The following TOX2 variants were observed in gnomAD, a reference collection of about 807,000 sequenced individuals.
TOX2 encodes TOX high mobility group box family member 2.
TOX2 carries 15 observed loss-of-function variants against 47.4 expected under a neutral mutation model. The ratio of observed to expected loss-of-function variants is 0.32; its 90% confidence interval spans 0.21 to 0.49. The LOEUF (loss-of-function observed/expected upper bound fraction) is 0.49, where lower values mean the gene tolerates loss of function less well. TOX2 is among the 20% of genes least tolerant of loss of function. The probability of loss-of-function intolerance (pLI) is 0.99; values close to 1 mark genes in which losing one functional copy is unlikely to be tolerated. For synonymous variants in TOX2, 290 were observed against 296.6 expected, an observed-to-expected ratio of 0.98 and a Z score of 0.23; for missense variants, 622 against 673.1, an observed-to-expected ratio of 0.92 and a Z score of 0.84.
At chr20:44,011,715 G>A (rs932841272) in intron 3 of TOX2, among the ~76,000 whole-genome samples, 2 of 152,192 alleles carry the variant, frequency 1.3e-5, no homozygotes, top group East Asian at 1.9e-4. Context: ...TGCACAGATC[G>A]AGATACACTG....
At chr20:43,954,290 C>G (rs565063945) in intron 1 of TOX2, among the ~76,000 whole-genome samples, 1 of 152,332 alleles carries the variant, frequency 6.6e-6, no homozygotes, top group East Asian at 1.9e-4. Context: ...CCTTCTCTCT[C>G]TTCTGGGCTC....
intron 1 of TOX2, among the ~76,000 whole-genome samples, chr20:43,951,707 G>GGTTTTT (rs745489872): frequency 0.012 from 647 of 55,090 alleles, 44 homozygotes; most frequent in African/African-American, 0.03. Flanking sequence ...AACTTATTAT[G>GGTTTTT]TTTTTTTTTT....
intron 2 of TOX2, among the ~76,000 whole-genome samples, chr20:43,989,704 C>T (rs932592200): frequency 6.0e-5 from 9 of 149,978 alleles, no homozygotes; most frequent in African/African-American, 9.8e-5. Context: ...CACTTGAATC[C>T]GGGAGGTGGA....
At chr20:44,008,129 T>G (rs1368569865) in intron 3 of TOX2, among the ~76,000 whole-genome samples, 1 of 152,020 alleles carries the variant, frequency 6.6e-6, no homozygotes, top group East Asian at 1.9e-4. Flanking sequence ...TGCTTGGGAA[T>G]AGCATGTGGT....
chr20:43,933,938 G>A (rs1159043141), intron 1 of TOX2, among the ~76,000 whole-genome samples: 2 of 152,072 alleles, frequency 1.3e-5, no homozygotes, highest in South Asian at 2.1e-4. Context: ...GGCAGGACTC[G>A]GGCTCCGATG....
chr20:43,937,954 T>A (rs2069348960), intron 1 of TOX2, among the ~76,000 whole-genome samples: 1 of 152,080 alleles, frequency 6.6e-6, no homozygotes, highest in South Asian at 2.1e-4. Context: ...TGCCAATGTC[T>A]CCATGAAACC....
At chr20:43,924,357 T>G (rs1036731165) in intron 1 of TOX2, among the ~76,000 whole-genome samples, 1 of 141,984 alleles carries the variant, frequency 7.0e-6, no homozygotes, top group African/African-American at 2.7e-5. Context: ...ATTAATGGAG[T>G]TTTTAGGGGC....
At chr20:43,946,121 G>C in intron 1 of TOX2, 1 of 1,561,894 alleles carries the variant, frequency 6.4e-7, no homozygotes, top group African/African-American at 1.3e-5. Context: ...TGTCTGGATG[G>C]GGGCAGGCAG....
intron 3 of TOX2, among the ~76,000 whole-genome samples, chr20:44,043,542 T>C (rs563342183): frequency 1.4e-4 from 21 of 152,352 alleles, no homozygotes; most frequent in Admixed American, 4.6e-4. Flanking sequence ...TCACTGGTTA[T>C]TGTCTTTGAG....
intron 3 of TOX2, among the ~76,000 whole-genome samples, chr20:44,034,357 G>T (rs56927907): frequency 0.067 from 10,196 of 152,214 alleles, 800 homozygotes; most frequent in African/African-American, 0.19. Flanking sequence ...AAATTGTGGG[G>T]TCATTTCTGC....
At chr20:43,968,724 G>A (rs916618443) in intron 1 of TOX2, among the ~76,000 whole-genome samples, 1 of 152,168 alleles carries the variant, frequency 6.6e-6, no homozygotes, top group African/African-American at 2.4e-5. Context: ...GCTGTAATGA[G>A]GACTGAAGAT....
chr20:44,026,248 T>G lies in TOX2; in HGVS notation c.411+19456T>G, dbSNP rs1041479476. Among the ~76,000 whole-genome samples the G allele has an allele frequency of 3.4e-4, 23 of 67,740 alleles. 4 individuals are homozygous for G. The East Asian group carries it at 8.3e-3, about 25-fold the overall frequency. The allele number at this position is 67,740 out of a possible 152,430, so 44.4% of individuals were successfully genotyped here. ...ACTGTGATATATATATATATATATA[T>G]AGACACACACACACACAATGGAATA... On this transcript the variant is annotated intron_variant, in intron 3 of 8. Coordinates refer to ENST00000341197, the MANE Select transcript of TOX2 (RefSeq NM_001098797.2).
At chr20:44,039,584 G>T (rs1458872557) in intron 3 of TOX2, among the ~76,000 whole-genome samples, 1 of 152,160 alleles carries the variant, frequency 6.6e-6, no homozygotes, top group Admixed American at 6.5e-5. Context: ...TGTCTCAGGG[G>T]TGAACCCAGG....
intron 1 of TOX2, among the ~76,000 whole-genome samples, chr20:43,936,119 C>T (rs114950848): frequency 0.01 from 1,545 of 152,208 alleles, 34 homozygotes; most frequent in African/African-American, 0.035. Context: ...CTTGGCATGG[C>T]GTCTTGTCAT....
intron 3 of TOX2, among the ~76,000 whole-genome samples, chr20:44,050,807 C>T (rs1261505322): frequency 6.6e-6 from 1 of 152,142 alleles, no homozygotes; most frequent in East Asian, 1.9e-4. Flanking sequence ...CTCATATCCA[C>T]ATTTTACAGA....
At position 43,916,321 on chromosome 20, in the gene TOX2, C is replaced by A; in HGVS notation, c.99+1331C>A. On this transcript the variant is annotated intron_variant, in intron 1 of 8. Transcript: ENST00000341197. This position sits in a 1 kb window ranked among gnomAD's most constrained non-coding sequence, Gnocchi z 5.0. ...ATGAGGCAGGAGAGAGGCGTCCCGG[C>A]GCGGATCCCGGGGCCTCCCGGGCTG... is the stretch of plus-strand genomic sequence containing the variant. 1.2e-6 allele frequency: 1 copy of A among 848,848 alleles called. No individual in the cohort carries two copies. Among genetic ancestry groups the A allele is most frequent in the Non-Finnish European group, 1.4e-6 (1 of 705,310 alleles). 52.6% of individuals were successfully genotyped at this position (848,848 alleles called of 1,614,324 possible). A position where few individuals can be genotyped will look rare whatever the true frequency, so the allele number is the denominator to read the frequency against.
chr20:44,045,528 A>G (rs1289562143), intron 3 of TOX2, among the ~76,000 whole-genome samples: 2 of 152,168 alleles, frequency 1.3e-5, no homozygotes, highest in Non-Finnish European at 2.9e-5. Context: ...CTTTATAGTA[A>G]ACATCTTGGA....
At chr20:44,006,496 C>G in intron 2 of TOX2, 51 bp from the exon 3 acceptor site, 2 of 1,561,640 alleles carry the variant, frequency 1.3e-6, no homozygotes, top group Non-Finnish European at 1.7e-6. Context: ...TGGGTATGTT[C>G]TGCGGTTGTA....
rs1332914498 is a variant in TOX2, at chr20:43,949,720, CT to C, written c.100-23644del. ...GCAGGTGTGGTCACGACATCCACGG[CT>C]TTCCAGAAGCCTTCTCTGATTGCCC... is the stretch of plus-strand genomic sequence containing the variant. On this transcript the variant is annotated intron_variant, in intron 1 of 8. Coordinates refer to ENST00000341197, the MANE Select transcript of TOX2 (RefSeq NM_001098797.2). Among the ~76,000 whole-genome samples the C allele has an allele frequency of 3.3e-5, 5 of 152,312 alleles. No individual in the cohort carries two copies. In the East Asian group the frequency reaches 9.6e-4, roughly 29 times the overall value.
Sources: allele counts gnomAD v4.1 joint callset (sites outside exome capture counted in the v4.1 genomes callset), GRCh38; gene constraint gnomAD v4.1.1; non-coding constraint Gnocchi (gnomAD v3.1); transcripts MANE v1.5; gene names NCBI Gene and HGNC (gene_info 2026-07-23, HGNC 2026-07-21).